Variants in TSPEAR observed in about 807,000 individuals in gnomAD.
The protein encoded by TSPEAR is thrombospondin-type laminin G domain and EAR repeat-containing protein.
TSPEAR carries 69 observed loss-of-function variants against 71.6 expected under a neutral mutation model. The ratio of observed to expected loss-of-function variants is 0.96; its 90% CI spans 0.79 to 1.18. The LOEUF (loss-of-function observed/expected upper bound fraction) is 1.18. Ranked by LOEUF, TSPEAR falls within the 50% of genes most tolerant of loss-of-function variation. The probability of loss-of-function intolerance (pLI) is 0.00; values close to 1 mark genes in which losing one functional copy is unlikely to be tolerated. For missense variants in TSPEAR, 971 were observed against 894.9 expected (o/e 1.09, Z -1.09); for synonymous variants, 402 against 387.2 (o/e 1.04, Z -0.45).
chr21:44,671,723 C>A (rs1323750551), intron 1 of TSPEAR, among the ~76,000 whole-genome samples: 1 of 152,088 alleles, frequency 6.6e-6, no homozygotes, highest in Non-Finnish European at 1.5e-5. Flanking sequence ...AAAGCCAGTC[C>A]CCAAAATTGG....
intron 1 of TSPEAR, among the ~76,000 whole-genome samples, chr21:44,634,887 T>C (rs1285766956): frequency 6.6e-6 from 1 of 152,178 alleles, no homozygotes; most frequent in African/African-American, 2.4e-5. Flanking sequence ...ACTGGAATGT[T>C]TGTACATTGC....
At chr21:44,569,790 C>A (rs1417404598) in intron 1 of TSPEAR, among the ~76,000 whole-genome samples, 1 of 151,808 alleles carries the variant, frequency 6.6e-6, no homozygotes, top group Non-Finnish European at 1.5e-5. Context: ...AGGGACCACC[C>A]CCGATGGAGG....
At chr21:44,647,214 C>A in intron 1 of TSPEAR, 5 of 1,613,498 alleles carry the variant, frequency 3.1e-6, no homozygotes, top group Non-Finnish European at 4.2e-6. Flanking sequence ...GCTGTGTGCC[C>A]GTCTCCTCCT....
intron 9 of TSPEAR, chr21:44,516,668 A>G (rs2052582262): frequency 6.6e-6 from 1 of 152,212 alleles, no homozygotes; most frequent in South Asian, 2.1e-4. Context: ...GGGCCGGGCT[A>G]TGGCACCACC....
At chr21:44,674,167 C>A (rs1397069011) in intron 1 of TSPEAR, among the ~76,000 whole-genome samples, 2 of 149,532 alleles carry the variant, frequency 1.3e-5, no homozygotes, top group Non-Finnish European at 3.0e-5. Flanking sequence ...CAATGATGCA[C>A]CTCAAGGAAC....
At chr21:44,575,191 G>A (rs1309210328) in intron 1 of TSPEAR, 1 of 739,044 alleles carries the variant, frequency 1.4e-6, no homozygotes, top group Non-Finnish European at 2.2e-6. Flanking sequence ...CTTGCGGGGG[G>A]AGGGGGGCGC....
chr21:44,531,218 A>G lies in TSPEAR; in HGVS notation c.543-85T>C, dbSNP rs1379516305. 3.7e-6 allele frequency: 4 copies of G among 1,080,938 alleles called. 1 individual carries two copies. Among genetic ancestry groups the G allele is most frequent in the East Asian group, 2.5e-5 (1 of 39,884 alleles). The allele number at this position is 1,080,938 out of a possible 1,614,324, so 67.0% of individuals were successfully genotyped here. A position where few individuals can be genotyped will look rare whatever the true frequency, so the allele number is the denominator to read the frequency against. On this transcript the variant is annotated intron_variant, in intron 3 of 11. Coordinates refer to ENST00000323084, the MANE Select transcript of TSPEAR (RefSeq NM_144991.3). Reference sequence around the variant, plus strand: ...CAGAAGGAACAGGAACAAGCCCCTCACTAAGCAGCGTGCATCTGTGCTGTG... The same window carrying G: ...CAGAAGGAACAGGAACAAGCCCCTCGCTAAGCAGCGTGCATCTGTGCTGTG...
intron 1 of TSPEAR, chr21:44,697,565 C>T (rs1987426032): frequency 3.1e-6 from 5 of 1,613,388 alleles, no homozygotes; most frequent in Non-Finnish European, 3.4e-6. Context: ...GTGCTGTATG[C>T]CCGTCTGCTG....
At chr21:44,517,179 G>A (rs587652667) in intron 9 of TSPEAR, 1 of 152,624 alleles carries the variant, frequency 6.6e-6, no homozygotes, top group East Asian at 1.9e-4. Context: ...CATCTGGGCT[G>A]GCTTCTCTCT....
intron 2 of TSPEAR, among the ~76,000 whole-genome samples, chr21:44,542,147 G>T (rs587747745): frequency 1.3e-5 from 2 of 152,268 alleles, no homozygotes; most frequent in Non-Finnish European, 2.9e-5. Context: ...AAAAATTCTG[G>T]AAACGAAGAA....
intron 1 of TSPEAR, among the ~76,000 whole-genome samples, chr21:44,652,205 G>A (rs919753825): frequency 1.3e-5 from 2 of 152,134 alleles, no homozygotes; most frequent in South Asian, 2.1e-4. Context: ...GGATGGTCTC[G>A]ATCTCCTGAC....
intron 2 of TSPEAR, among the ~76,000 whole-genome samples, chr21:44,555,387 CG>C (rs58742749): frequency 0.036 from 5,459 of 152,278 alleles, 320 homozygotes; most frequent in African/African-American, 0.12. Flanking sequence ...CAAGGGGTGA[CG>C]GCACACAGCC....
intron 2 of TSPEAR, chr21:44,539,248 C>T (rs782378371): frequency 1.5e-5 from 23 of 1,581,354 alleles, no homozygotes; most frequent in South Asian, 3.5e-5. Flanking sequence ...CTGAGCCCAG[C>T]TGGCCCAGGG....
intron 10 of TSPEAR, chr21:44,507,969 C>T (rs2052243578): frequency 6.6e-6 from 1 of 152,138 alleles, no homozygotes; most frequent in Non-Finnish European, 1.5e-5. Context: ...TATGAGTGTT[C>T]TTTTTTTAAT....
intron 1 of TSPEAR, chr21:44,702,661 G>A (rs1292005001): frequency 6.4e-6 from 10 of 1,570,934 alleles, no homozygotes; most frequent in Non-Finnish European, 7.9e-6. Context: ...CTGCATGCCC[G>A]TCCCCTCCTG....
intron 1 of TSPEAR, among the ~76,000 whole-genome samples, chr21:44,568,548 T>C (rs1377173183): frequency 2.6e-5 from 4 of 152,042 alleles, no homozygotes; most frequent in African/African-American, 4.8e-5. Flanking sequence ...GATAAGCTCC[T>C]GGGGAACCTG....
At chr21:44,512,219 G>A (rs1050076815) in intron 9 of TSPEAR, among the ~76,000 whole-genome samples, 7 of 152,168 alleles carry the variant, frequency 4.6e-5, no homozygotes, top group Admixed American at 3.9e-4. Flanking sequence ...TCCAGGCAAA[G>A]GTCACTGGGG....
chr21:44,630,437 C>A (rs1391649514), intron 1 of TSPEAR, among the ~76,000 whole-genome samples: 1 of 152,134 alleles, frequency 6.6e-6, no homozygotes, highest in Non-Finnish European at 1.5e-5. Flanking sequence ...CCCCAAAAAA[C>A]CTGGGAGGAA....
Position 44,539,615 on chromosome 21 carries a change from C to T in TSPEAR, c.304-5692G>A, listed in dbSNP as rs372423290. The T allele has an allele frequency of 5.0e-6, 8 of 1,613,668 alleles. 1 individual carries two copies. Among genetic ancestry groups the T allele is most frequent in the South Asian group, 2.2e-5 (2 of 91,038 alleles). ...GACGGGCACGCAGCAGGCCTGCTGG[C>T]AGGGGGAGGAGGTGCAGCAAGCTGG... On this transcript the variant is annotated intron_variant, in intron 2 of 11. Transcript: ENST00000323084.
Sources: gnomAD v4.1 joint callset for allele counts (sites outside exome capture counted in the v4.1 genomes callset) on GRCh38, gnomAD v4.1.1 for gene constraint, MANE v1.5 for transcripts, NCBI Gene and HGNC (gene_info 2026-07-23, HGNC 2026-07-21) for gene names.